Variants in RABGAP1 observed in about 807,000 individuals in gnomAD.
RABGAP1 encodes rab GTPase-activating protein 1.
Under a neutral mutation model 137.6 loss-of-function variants are expected in RABGAP1, and 23 were observed. That is an observed-to-expected ratio of 0.17 (90% CI 0.12 to 0.24). RABGAP1 has a LOEUF of 0.24. Among genes scored for constraint, RABGAP1 ranks in the 10% least tolerant of loss-of-function variants. The pLI, the probability that RABGAP1 is intolerant of heterozygous loss-of-function variation, is 1.00. For missense variants in RABGAP1, 906 were observed against 1,275.8 expected, an observed-to-expected ratio of 0.71 and a Z score of 4.42; for synonymous variants, 451 against 450.7, an observed-to-expected ratio of 1.00 and a Z score of -0.01.
At chr9:122,951,430 TGAA>T (rs1342209256) in intron 1 of RABGAP1, among the ~76,000 whole-genome samples, 1 of 151,866 alleles carries the variant, frequency 6.6e-6, no homozygotes, top group Non-Finnish European at 1.5e-5. Flanking sequence ...AAAAAAAAGT[TGAA>T]GTTTTTAAAA....
At chr9:123,067,820 A>T (rs1588369744) in intron 14 of RABGAP1, among the ~76,000 whole-genome samples, 2 of 152,302 alleles carry the variant, frequency 1.3e-5, no homozygotes, top group East Asian at 3.9e-4. Context: ...CAAATGTATC[A>T]TATAATTTCA....
At position 122,964,028 on chromosome 9, in the gene RABGAP1, A is replaced by G. The variant is rs1301449722; in HGVS notation, c.150+6819A>G. 3.9e-5 allele frequency among the ~76,000 whole-genome samples: 6 copies of G among 152,334 alleles called. No homozygotes were observed. In the East Asian group the frequency reaches 1.2e-3, roughly 29 times the overall value. The stretch of plus-strand genomic sequence containing the variant: ...TTCTAGAGCGACACTAACAAAACTG[A>G]TAAAATAGTCTGAACAGATCTATAA... On this transcript the variant is annotated intron_variant, in intron 2 of 25. Transcript: ENST00000373647.
At chr9:122,967,237 T>A (rs1375119289) in intron 2 of RABGAP1, among the ~76,000 whole-genome samples, 1 of 152,058 alleles carries the variant, frequency 6.6e-6, no homozygotes, top group Non-Finnish European at 1.5e-5. Context: ...TTTGGAGAGA[T>A]TGGACTGTAG....
chr9:122,970,074 A>AT (rs34261698), intron 2 of RABGAP1, among the ~76,000 whole-genome samples: 89,368 of 143,492 alleles, frequency 0.62, 34,347 homozygotes, highest in Non-Finnish European at 0.86. Context: ...TATCCGGCTA[A>AT]TTTTTTTTTT....
intron 13 of RABGAP1, among the ~76,000 whole-genome samples, chr9:123,022,512 T>G (rs1486694111): frequency 1.3e-5 from 2 of 152,100 alleles, no homozygotes; most frequent in Admixed American, 1.3e-4. Context: ...GTTTAAGCGA[T>G]TCTCCTGCCG....
At chr9:123,102,125 A>G (rs1244105471) in intron 25 of RABGAP1, among the ~76,000 whole-genome samples, 1 of 152,184 alleles carries the variant, frequency 6.6e-6, no homozygotes, top group Non-Finnish European at 1.5e-5. Context: ...GAGAGTCCCT[A>G]TCTGATAGGT....
intron 13 of RABGAP1, among the ~76,000 whole-genome samples, chr9:123,056,638 T>C (rs10118446): frequency 0.11 from 15,874 of 150,904 alleles, 2,690 homozygotes; most frequent in African/African-American, 0.36. Context: ...CCTTCCGCAG[T>C]GTTTGTGTCC....
chr9:123,035,159 T>C (rs761995907), intron 13 of RABGAP1: 1 of 1,613,974 alleles, frequency 6.2e-7, no homozygotes. Context: ...ATCGTGATGA[T>C]GTTATATGCC....
At chr9:122,951,292 A>T (rs556989557) in intron 1 of RABGAP1, among the ~76,000 whole-genome samples, 1 of 152,310 alleles carries the variant, frequency 6.6e-6, no homozygotes, top group South Asian at 2.1e-4. Context: ...TAGGTCACTT[A>T]CTGGGAGGTG....
At chr9:123,061,472 A>G (rs1220144852) in intron 13 of RABGAP1, among the ~76,000 whole-genome samples, 1 of 152,214 alleles carries the variant, frequency 6.6e-6, no homozygotes, top group Non-Finnish European at 1.5e-5. Flanking sequence ...GTTTATTTAC[A>G]TATTGTCTAT....
chr9:123,076,617 T>C lies in RABGAP1; in HGVS notation c.2296-17T>C. 6.3e-7 allele frequency: 1 copy of C among 1,583,942 alleles called. No individual in the cohort carries two copies. On this transcript the variant is annotated splice_polypyrimidine_tract_variant and intron_variant, in intron 18 of 25. Coordinates refer to ENST00000373647, the MANE Select transcript of RABGAP1 (RefSeq NM_012197.4). ...TAGCAACACATTTTTTCTATATGTG[T>C]TTGTATTTTCTTCAAGACTTCGAAA... is the stretch of plus-strand genomic sequence containing the variant.
chr9:123,047,566 A>G (rs578100373), intron 13 of RABGAP1, among the ~76,000 whole-genome samples: 172 of 152,268 alleles, frequency 1.1e-3, no homozygotes, highest in Admixed American at 2.3e-3. Context: ...ATAGCTTTAT[A>G]CTTCTAAAAT....
intron 6 of RABGAP1, chr9:122,990,742 C>A (rs1199045937): frequency 8.3e-6 from 1 of 121,044 alleles, no homozygotes; most frequent in African/African-American, 3.4e-5. Context: ...GCACTCCAGC[C>A]TGGGCAACGA....
chr9:122,960,647 CCA>C (rs1355739847), intron 2 of RABGAP1, among the ~76,000 whole-genome samples: 1 of 152,008 alleles, frequency 6.6e-6, no homozygotes, highest in Non-Finnish European at 1.5e-5. Context: ...AAAATATGAC[CCA>C]GACATCCCGT....
chr9:122,961,021 A>C (rs779166181), intron 2 of RABGAP1, among the ~76,000 whole-genome samples: 19 of 152,192 alleles, frequency 1.2e-4, no homozygotes, highest in Non-Finnish European at 2.5e-4. Flanking sequence ...GCTCAGAAAA[A>C]TATGGGAAAC....
At chr9:123,051,230 T>TGG (rs2033450567) in intron 13 of RABGAP1, among the ~76,000 whole-genome samples, 1 of 45,490 alleles carries the variant, frequency 2.2e-5, no homozygotes, top group Admixed American at 2.6e-4. Context: ...TTTTTTTTTT[T>TGG]TTTTTTTTTT....
chr9:123,057,607 G>A (rs541399576), intron 13 of RABGAP1, among the ~76,000 whole-genome samples: 52 of 151,298 alleles, frequency 3.4e-4, no homozygotes, highest in South Asian at 2.5e-3. Flanking sequence ...CATCCCAGAC[G>A]ATGGGCGGCC....
upstream of RABGAP1, chr9:122,940,895 C>T (rs941504750): frequency 2.6e-5 from 4 of 152,294 alleles, no homozygotes. Flanking sequence ...GCCTCGCTTC[C>T]CGGTATTGGG....
chr9:122,952,280 A>G (rs992985499), intron 1 of RABGAP1, among the ~76,000 whole-genome samples: 1 of 151,488 alleles, frequency 6.6e-6, no homozygotes, highest in African/African-American at 2.4e-5. Flanking sequence ...ATTTTTTGAG[A>G]CAGAGTCTCG....
Sources: gnomAD v4.1 joint callset for allele counts (sites outside exome capture counted in the v4.1 genomes callset) on GRCh38, gnomAD v4.1.1 for gene constraint, MANE v1.5 for transcripts, NCBI Gene and HGNC (gene_info 2026-07-23, HGNC 2026-07-21) for gene names.